Variants in NTAN1 observed in about 807,000 individuals in gnomAD.
NTAN1 encodes protein N-terminal asparagine amidohydrolase.
Under a neutral mutation model 41.9 loss-of-function variants are expected in NTAN1, and 32 were observed. The ratio of observed to expected loss-of-function variants is 0.76; its 90% confidence interval spans 0.58 to 1.03. NTAN1 has a LOEUF of 1.03. NTAN1 is among the 50% of genes least tolerant of loss of function. NTAN1 has a pLI of 0.00. For synonymous variants in NTAN1, 140 were observed against 139.5 expected, an observed-to-expected ratio of 1.00 and a Z score of -0.03; for missense variants, 377 against 377.5, an observed-to-expected ratio of 1.00 and a Z score of 0.01.
rs768858787 is a variant in NTAN1, at chr16:15,040,081, A to G, written c.542-15T>C. 4.1e-6 allele frequency: 6 copies of G among 1,449,496 alleles called. No homozygotes were observed. The highest frequency in any genetic ancestry group is 5.8e-6 in the Non-Finnish European group (6 of 1,033,826). The allele number at this position is 1,449,496 out of a possible 1,614,324, so 89.8% of individuals were successfully genotyped here. ...AATGTTGACAGCTGTGAGGGACAAC[A>G]GGATGACTCTGAATTGACAAAAGAC... is the stretch of plus-strand genomic sequence containing the variant. On this transcript the variant is annotated splice_polypyrimidine_tract_variant and intron_variant, in intron 7 of 9. Coordinates refer to ENST00000287706, the MANE Select transcript of NTAN1 (RefSeq NM_173474.4).
At position 15,037,996 on chromosome 16, in the gene NTAN1, G is replaced by A. The variant is rs748507501; in HGVS notation, c.*35C>T. 1 of 1,552,260 alleles carries A rather than the reference G, an allele frequency of 6.4e-7. No homozygotes were observed. The highest frequency in any genetic ancestry group is 1.7e-5 in the Admixed American group (1 of 58,052). On this transcript the variant is annotated 3_prime_UTR_variant, in exon 10 of 10. Transcript: ENST00000287706. ...GCCAGCCCCACCAATGGTCTGTCAG[G>A]CCAAGAAGGTGCTTTCTTTGGTAAT... is the stretch of plus-strand genomic sequence containing the variant.
rs1480856455 is a variant in NTAN1, at chr16:15,055,927, T to C, written c.45A>G (p.Ser15=). The C allele has an allele frequency of 1.6e-6, 2 of 1,232,804 alleles. No homozygotes were observed. Among genetic ancestry groups the C allele is most frequent in the Non-Finnish European group, 2.0e-6 (2 of 987,598 alleles). 76.4% of individuals were successfully genotyped at this position (1,232,804 alleles called of 1,614,324 possible). The change falls in exon 1 of 10, where the codon TCA becomes TCG. Residue 15 remains serine (S), a synonymous_variant. Transcript: ENST00000287706. ...VEGRRVRLPQ[S]AGDLVRAHPP... Reference sequence around the variant, plus strand: ...GGTGGGCTCGGACGAGGTCCCCGGCTGACTGCGGCAGCCGCACTCGCCGCC... The same window carrying C: ...GGTGGGCTCGGACGAGGTCCCCGGCCGACTGCGGCAGCCGCACTCGCCGCC...
chr16:15,043,364 C>T (rs1307867605), intron 5 of NTAN1, among the ~76,000 whole-genome samples: 1 of 152,172 alleles, frequency 6.6e-6, no homozygotes, highest in Non-Finnish European at 1.5e-5. Flanking sequence ...AGAGTTATGG[C>T]GAGACCCTGT....
intron 1 of NTAN1, among the ~76,000 whole-genome samples, chr16:15,050,629 G>A (rs1159383413): frequency 1.3e-5 from 2 of 151,572 alleles, no homozygotes; most frequent in Non-Finnish European, 2.9e-5. Context: ...CTACTCTGGA[G>A]GCTCAGGTAG....
chr16:15,048,577 A>G (rs1486009154), intron 1 of NTAN1, among the ~76,000 whole-genome samples: 1 of 152,048 alleles, frequency 6.6e-6, no homozygotes, highest in Non-Finnish European at 1.5e-5. Flanking sequence ...TTGTAAAGAG[A>G]ATCAGATTAC....
intron 1 of NTAN1, among the ~76,000 whole-genome samples, chr16:15,048,343 T>C (rs779654677): frequency 2.0e-5 from 3 of 152,200 alleles, no homozygotes; most frequent in Non-Finnish European, 2.9e-5. Context: ...CATAGTAACC[T>C]ATGAAATGAG....
chr16:15,038,891 G>A (rs1029003885), intron 8 of NTAN1, among the ~76,000 whole-genome samples: 3 of 152,196 alleles, frequency 2.0e-5, no homozygotes, highest in African/African-American at 7.2e-5. Context: ...CACGACTGCT[G>A]AGCGCCAACA....
chr16:15,040,555 A>T, intron 7 of NTAN1: 1 of 174,638 alleles, frequency 5.7e-6, no homozygotes, highest in Non-Finnish European at 1.2e-5. Flanking sequence ...AGCCGATTCC[A>T]TGATGCCTTT....
At chr16:15,048,320 T>A (rs1276313009) in intron 1 of NTAN1, among the ~76,000 whole-genome samples, 1 of 152,166 alleles carries the variant, frequency 6.6e-6, no homozygotes, top group African/African-American at 2.4e-5. Flanking sequence ...TTTTAACCTA[T>A]GAAATCGGAT....
rs1291962757 is a variant in NTAN1 at position 15,038,050 on chromosome 16, A to ATCTT, written c.910_913dup (p.Ile305LysfsTer52). The ATCTT allele has an allele frequency of 6.2e-7, 1 of 1,612,198 alleles. No individual in the cohort carries two copies. The highest frequency in any genetic ancestry group is 2.2e-5 in the East Asian group (1 of 44,886). On this transcript the variant is annotated frameshift_variant, in exon 10 of 10. Coordinates refer to ENST00000287706, the MANE Select transcript of NTAN1 (RefSeq NM_173474.4). LOFTEE classifies it high-confidence loss of function. ...TGTTTTTTAACTTCCTGGAGAAGAG[A>ATCTT]TCTTTTCCCACAAGCCATCTTCATT...
chr16:15,053,363 T>C (rs1005870429), intron 1 of NTAN1, among the ~76,000 whole-genome samples: 5 of 152,226 alleles, frequency 3.3e-5, no homozygotes, highest in Non-Finnish European at 4.4e-5. Flanking sequence ...CTTATTGTTA[T>C]TATTTGCTAG....
At chr16:15,044,464 G>T in intron 4 of NTAN1, 57 bp from the exon 5 acceptor site, 1 of 1,115,974 alleles carries the variant, frequency 9.0e-7, no homozygotes, top group Non-Finnish European at 1.4e-6. Flanking sequence ...GCGTGCGCTG[G>T]TCTCACTTTG....
intron 7 of NTAN1, 33 bp downstream of exon 7, chr16:15,041,035 G>C (rs368958121): frequency 4.7e-6 from 7 of 1,498,052 alleles, no homozygotes; most frequent in Non-Finnish European, 6.5e-6. Context: ...ATGTGACCAA[G>C]ACTCCAACCC....
intron 6 of NTAN1, 71 bp downstream of exon 6, chr16:15,041,552 C>A (rs2043816780): frequency 9.9e-6 from 10 of 1,011,128 alleles, no homozygotes; most frequent in Non-Finnish European, 1.6e-5. Context: ...GTGCTTGGGC[C>A]CACTGCAAGA....
chr16:15,044,137 C>T (rs896553083), intron 5 of NTAN1, among the ~76,000 whole-genome samples, 197 bp downstream of exon 5: 3 of 152,212 alleles, frequency 2.0e-5, no homozygotes, highest in Non-Finnish European at 2.9e-5. Context: ...GTCCCCAGCC[C>T]TGCTACCCCT....
chr16:15,047,457 T>C lies in NTAN1; in HGVS notation c.344A>G (p.His115Arg). Residue 115 changes from histidine (H) to arginine (R), a missense_variant, in exon 4 of 10, where the codon CAC becomes CGC. Transcript: ENST00000287706. ...TAGATCTCACCTTCCACATTGAGCG[T>C]GGTCAGAAAAGGATTTTATGGAGTT... ...IMNSIKSFSDHAQCGRLEVHL... is the reference protein window; with the variant it reads ...IMNSIKSFSDRAQCGRLEVHL... 6.2e-7 allele frequency: 1 copy of C among 1,607,156 alleles called. No homozygotes were observed.
chr16:15,053,694 TGAGGTCAGGAGTTCAA>T (rs1475881046), intron 1 of NTAN1, among the ~76,000 whole-genome samples: 1 of 152,096 alleles, frequency 6.6e-6, no homozygotes, highest in African/African-American at 2.4e-5. Context: ...GCAGATCACT[TGAGGTCAGGAGTTCAA>T]GAACAGCCTG....
intron 7 of NTAN1, 103 bp from the exon 8 acceptor site, chr16:15,040,169 G>T: frequency 1.5e-6 from 1 of 651,568 alleles, no homozygotes; most frequent in Non-Finnish European, 2.7e-6. Context: ...AGATAGGAAA[G>T]TGAACAGAAT....
At chr16:15,051,698 ATTT>A (rs61437077) in intron 1 of NTAN1, among the ~76,000 whole-genome samples, 2 of 122,380 alleles carry the variant, frequency 1.6e-5, no homozygotes, top group Admixed American at 8.3e-5. Flanking sequence ...TTTATTTTTA[ATTT>A]TTTTTTTTTT....
Sources: gnomAD v4.1 joint callset for allele counts (sites outside exome capture counted in the v4.1 genomes callset) on GRCh38, gnomAD v4.1.1 for gene constraint, MANE v1.5 for transcripts, NCBI Gene and HGNC (gene_info 2026-07-23, HGNC 2026-07-21) for gene names.